TRAPPC9: variants seen among roughly 807,000 people sequenced by gnomAD.
TRAPPC9 encodes trafficking protein particle complex subunit 9, also known as IKK2 binding protein.
Under a neutral mutation model 124.0 loss-of-function variants are expected in TRAPPC9, and 83 were observed. The observed-to-expected ratio is 0.67, with a 90% CI of 0.56 to 0.80. The LOEUF is 0.80. TRAPPC9 is among the 30% of genes least tolerant of loss of function. The pLI is 0.00. For synonymous variants in TRAPPC9, 638 were observed against 617.5 expected (o/e 1.03, Z -0.49); for missense variants, 1,302 against 1,508.3 (o/e 0.86, Z 2.27).
intron 19 of TRAPPC9, among the ~76,000 whole-genome samples, chr8:139,912,203 G>A (rs1438417854): frequency 6.6e-6 from 1 of 152,070 alleles, no homozygotes; most frequent in South Asian, 2.1e-4. Context: ...ATTTAACATA[G>A]TTTAAAATCA....
At chr8:140,338,318 T>A (rs2067098556) in intron 9 of TRAPPC9, among the ~76,000 whole-genome samples, 1 of 152,158 alleles carries the variant, frequency 6.6e-6, no homozygotes. Context: ...ATTTCATATG[T>A]GTCCGCTCCA....
At chr8:140,420,972 C>G (rs1201161620) in intron 5 of TRAPPC9, among the ~76,000 whole-genome samples, 1 of 152,160 alleles carries the variant, frequency 6.6e-6, no homozygotes, top group African/African-American at 2.4e-5. Flanking sequence ...TAATGTGGAT[C>G]ACGCCTAAAT....
intron 21 of TRAPPC9, among the ~76,000 whole-genome samples, chr8:139,831,803 G>T (rs1826013710): frequency 6.6e-6 from 1 of 152,222 alleles, no homozygotes; most frequent in Non-Finnish European, 1.5e-5. Context: ...GAGGCCCAGG[G>T]GGATGGACGT....
intron 17 of TRAPPC9, among the ~76,000 whole-genome samples, chr8:140,192,551 C>T (rs932130256): frequency 6.6e-6 from 1 of 152,232 alleles, no homozygotes; most frequent in African/African-American, 2.4e-5. Flanking sequence ...GCCCACAGCC[C>T]TCGCACCAGC....
chr8:139,777,140 G>A (rs113118360), intron 21 of TRAPPC9, among the ~76,000 whole-genome samples: 23 of 152,132 alleles, frequency 1.5e-4, no homozygotes, highest in African/African-American at 5.1e-4. Flanking sequence ...TTTCTCTACC[G>A]CATGGTCAAA....
chr8:140,116,552 C>T (rs2060890946), intron 17 of TRAPPC9, among the ~76,000 whole-genome samples: 1 of 152,150 alleles, frequency 6.6e-6, no homozygotes, highest in African/African-American at 2.4e-5. Flanking sequence ...TTTATTGATG[C>T]TGATGCCTGT....
At chr8:139,952,259 C>T (rs1457880384) in intron 19 of TRAPPC9, among the ~76,000 whole-genome samples, 2 of 152,142 alleles carry the variant, frequency 1.3e-5, no homozygotes, top group African/African-American at 4.8e-5. Context: ...TCCAGAATCC[C>T]ATTTAATCTT....
At chr8:140,266,630 G>A (rs1008963381) in intron 15 of TRAPPC9, among the ~76,000 whole-genome samples, 7 of 152,020 alleles carry the variant, frequency 4.6e-5, no homozygotes, top group East Asian at 1.9e-4. Flanking sequence ...AGGCCAAGGC[G>A]GGTGGATTAC....
intron 19 of TRAPPC9, among the ~76,000 whole-genome samples, chr8:139,956,880 C>G (rs1835024134): frequency 6.6e-6 from 1 of 152,214 alleles, no homozygotes; most frequent in South Asian, 2.1e-4. Context: ...CACCCAGCCA[C>G]TCTCTCTCAG....
At chr8:140,392,026 CAAAA>C (rs35599095) in intron 7 of TRAPPC9, among the ~76,000 whole-genome samples, 1 of 144,040 alleles carries the variant, frequency 6.9e-6, no homozygotes, top group Admixed American at 6.9e-5. Context: ...AACTCCGTCT[CAAAA>C]AAAAAAAAAG....
intron 17 of TRAPPC9, among the ~76,000 whole-genome samples, chr8:140,038,961 G>A (rs1052063049): frequency 3.3e-5 from 5 of 152,226 alleles, no homozygotes; most frequent in African/African-American, 9.6e-5. Flanking sequence ...CTCACAGGGA[G>A]CTCAGCACAG....
chr8:140,338,233 A>G (rs939877), intron 9 of TRAPPC9, among the ~76,000 whole-genome samples: 97,922 of 151,988 alleles, frequency 0.64, 32,119 homozygotes, highest in African/African-American at 0.79. Flanking sequence ...TTCTGTCCCC[A>G]CGCCATACGT....
At chr8:140,277,741 G>GGTCGGGACCCCACTCCAGCCAA in intron 14 of TRAPPC9, among the ~76,000 whole-genome samples, 1 of 152,364 alleles carries the variant, frequency 6.6e-6, no homozygotes, top group Non-Finnish European at 1.5e-5. Context: ...CTCCAGCCAA[G>GGTCGGGACCCCACTCCAGCCAA]GTCAGGCCCC....
chr8:140,145,577 G>A (rs2061450230), intron 17 of TRAPPC9, among the ~76,000 whole-genome samples: 1 of 152,112 alleles, frequency 6.6e-6, no homozygotes, highest in African/African-American at 2.4e-5. Flanking sequence ...ATGTAACACT[G>A]GGAAATGTTC....
intron 9 of TRAPPC9, among the ~76,000 whole-genome samples, chr8:140,314,416 G>A (rs1040636836): frequency 3.3e-5 from 5 of 152,110 alleles, no homozygotes; most frequent in Admixed American, 1.3e-4. Context: ...GGTCATCAGC[G>A]TATCCACTGC....
intron 1 of TRAPPC9, among the ~76,000 whole-genome samples, chr8:140,457,188 C>A (rs2071704828): frequency 2.0e-5 from 3 of 152,212 alleles, no homozygotes; most frequent in Admixed American, 2.0e-4. Flanking sequence ...AGCCGCGCGT[C>A]CCAGACCCCG....
intron 17 of TRAPPC9, among the ~76,000 whole-genome samples, chr8:140,122,051 C>CTCTCTCTCTCTCTCTCT (rs775593006): frequency 6.6e-6 from 1 of 150,728 alleles, no homozygotes. Context: ...CTCTCTCTCT[C>CTCTCTCTCTCTCTCTCT]CCTTTCTCCC....
At chr8:140,229,212 G>A (rs149257306) in intron 16 of TRAPPC9, among the ~76,000 whole-genome samples, 325 of 148,432 alleles carry the variant, frequency 2.2e-3, no homozygotes, top group African/African-American at 7.7e-3. Context: ...CAGATACATC[G>A]AACATTGTGC....
At chr8:140,060,222 G>T (rs1842518814) in intron 17 of TRAPPC9, among the ~76,000 whole-genome samples, 1 of 152,216 alleles carries the variant, frequency 6.6e-6, no homozygotes, top group African/African-American at 2.4e-5. Context: ...CCACTGCTAA[G>T]TAGGGGGCTT....
Sources: gnomAD v4.1 joint callset for allele counts (sites outside exome capture counted in the v4.1 genomes callset) on GRCh38, gnomAD v4.1.1 for gene constraint, MANE v1.5 for transcripts, NCBI Gene and HGNC (gene_info 2026-07-23, HGNC 2026-07-21) for gene names.